KATNAL2: variants seen among roughly 807,000 people sequenced by gnomAD.
The protein encoded by KATNAL2 is katanin catalytic subunit A1 like 2.
In KATNAL2, 52 loss-of-function variants were observed where a neutral mutation model predicts 76.3. That is an observed-to-expected ratio of 0.68 (90% confidence interval 0.55 to 0.86). The LOEUF (loss-of-function observed/expected upper bound fraction) is 0.86. KATNAL2 is among the 40% of genes least tolerant of loss of function. The pLI is 0.00. For synonymous variants in KATNAL2, 243 were observed against 244.2 expected, an observed-to-expected ratio of 1.00 and a Z score of 0.05; for missense variants, 660 against 668.9, an observed-to-expected ratio of 0.99 and a Z score of 0.15.
intron 3 of KATNAL2, among the ~76,000 whole-genome samples, chr18:47,040,875 A>C (rs1599623680): frequency 6.6e-6 from 1 of 152,198 alleles, no homozygotes; most frequent in East Asian, 1.9e-4. Context: ...TTGTAAATGC[A>C]GCTTGGGGGA....
chr18:47,036,969 C>T (rs1264324710), intron 3 of KATNAL2, among the ~76,000 whole-genome samples: 1 of 152,158 alleles, frequency 6.6e-6, no homozygotes, highest in Non-Finnish European at 1.5e-5. Flanking sequence ...TTAGAACCTA[C>T]AGGTATATAT....
At chr18:47,052,715 TG>T (rs1370841627) in intron 4 of KATNAL2, among the ~76,000 whole-genome samples, 164 bp from the exon 5 acceptor site, 1 of 152,240 alleles carries the variant, frequency 6.6e-6, no homozygotes, top group African/African-American at 2.4e-5. Flanking sequence ...TTAACAAATA[TG>T]GGGCTCTTTA....
intron 1 of KATNAL2, among the ~76,000 whole-genome samples, chr18:46,924,750 C>T (rs886484962): frequency 6.6e-5 from 10 of 152,138 alleles, no homozygotes; most frequent in African/African-American, 2.2e-4. Context: ...TCTTGTATTT[C>T]GTTGAGCAGT....
In KATNAL2 at chr18:47,062,983, T is replaced by C. The variant is rs2061682756; in HGVS notation, c.561T>C (p.Ile187=). 1 of 1,613,852 alleles carries C rather than the reference T, an allele frequency of 6.2e-7. No homozygotes were observed. The highest frequency in any genetic ancestry group is 1.3e-5 in the African/African-American group (1 of 74,908). ...ENAHPRRGQI[I]DFQGLLTDAI... ...TTCCTCCCTTTCAGGGCCAAATCAT[T>C]GACTTCCAAGGGCTGCTCACAGATG... The change falls in exon 9 of 18, where the codon ATT becomes ATC. Residue 187 remains isoleucine, a synonymous_variant. Transcript: ENST00000683218.
chr18:47,057,111 C>G (rs1277414703), intron 6 of KATNAL2, among the ~76,000 whole-genome samples: 1 of 152,156 alleles, frequency 6.6e-6, no homozygotes, highest in African/African-American at 2.4e-5. Flanking sequence ...CATGTGTGGT[C>G]TTGCTGGCCA....
At chr18:46,922,610 G>A (rs376640917) in intron 1 of KATNAL2, among the ~76,000 whole-genome samples, 1 of 151,818 alleles carries the variant, frequency 6.6e-6, no homozygotes, top group Admixed American at 6.6e-5. Flanking sequence ...CCTGACCAAC[G>A]TGGTGAAACC....
At chr18:46,930,568 C>T (rs977459602) in intron 1 of KATNAL2, among the ~76,000 whole-genome samples, 1 of 152,200 alleles carries the variant, frequency 6.6e-6, no homozygotes, top group Non-Finnish European at 1.5e-5. Context: ...ATAATCCCAG[C>T]ACTATGGGAG....
intron 3 of KATNAL2, among the ~76,000 whole-genome samples, chr18:47,025,518 TGTG>T (rs2060285112): frequency 1.9e-5 from 2 of 104,476 alleles, no homozygotes; most frequent in Admixed American, 2.3e-4. Context: ...TGTGTGTGTG[TGTG>T]TGTGTGTGTG....
chr18:47,069,458 C>T, intron 12 of KATNAL2, 24 bp from the exon 13 acceptor site: 9 of 1,553,762 alleles, frequency 5.8e-6, no homozygotes, highest in South Asian at 1.1e-5. Flanking sequence ...AATGCCTGCT[C>T]ATCTTTTATG....
At chr18:46,954,898 C>G (rs1037519654) in intron 3 of KATNAL2, among the ~76,000 whole-genome samples, 1 of 152,172 alleles carries the variant, frequency 6.6e-6, no homozygotes, top group African/African-American at 2.4e-5. Context: ...AGTGATCCAC[C>G]TGCCTCGGCC....
rs568151123 is a variant in KATNAL2, at chr18:46,931,632, A to C, written c.-510+13706A>C. 5.3e-5 allele frequency among the ~76,000 whole-genome samples: 8 copies of C among 151,964 alleles called. No individual in the cohort carries two copies. In the East Asian group the frequency reaches 1.4e-3, roughly 26 times the overall value. ...CATACCATTGCACTCCGGCCTGGAC[A>C]ACAGAGCAAGACTGTCAGAAAGAAA... On this transcript the variant is annotated intron_variant, in intron 1 of 17. Transcript: ENST00000683218.
intron 4 of KATNAL2, among the ~76,000 whole-genome samples, chr18:47,047,921 G>T (rs1211455745): frequency 6.6e-6 from 1 of 152,066 alleles, no homozygotes; most frequent in East Asian, 1.9e-4. Flanking sequence ...TGCTCAGGCT[G>T]GTCTTGAACT....
chr18:46,930,316 T>C (rs190095548), intron 1 of KATNAL2, among the ~76,000 whole-genome samples: 1 of 152,340 alleles, frequency 6.6e-6, no homozygotes, highest in East Asian at 1.9e-4. Flanking sequence ...TTTTTACATA[T>C]CACTAATATA....
intron 3 of KATNAL2, among the ~76,000 whole-genome samples, chr18:47,025,095 TCTCCCC>T (rs1173836384): frequency 1.1e-5 from 1 of 94,814 alleles, no homozygotes; most frequent in Admixed American, 1.1e-4. Context: ...CCCTCTAGCA[TCTCCCC>T]CCCCCACCCC....
intron 14 of KATNAL2, chr18:47,076,327 C>T (rs1207446966): frequency 6.6e-6 from 1 of 152,196 alleles, no homozygotes; most frequent in Admixed American, 6.5e-5. Flanking sequence ...ACATTTTCCT[C>T]AGCTTAACTG....
In KATNAL2 at chr18:46,946,463, G is replaced by T; in HGVS notation, c.-103G>T. The T allele has an allele frequency of 1.0e-6, 1 of 985,444 alleles. No individual in the cohort carries two copies. Among genetic ancestry groups the T allele is most frequent in the Middle Eastern group, 5.2e-4 (1 of 1,914 alleles). 61.0% of individuals were successfully genotyped at this position (985,444 alleles called of 1,614,324 possible). A position where few individuals can be genotyped will look rare whatever the true frequency, so the allele number is the denominator to read the frequency against. On this transcript the variant is annotated 5_prime_UTR_variant, in exon 2 of 18. Coordinates refer to ENST00000683218, the MANE Select transcript of KATNAL2 (RefSeq NM_001387690.1). ...TACCCTAATCCAGGGAGGAGAAGAC[G>T]GGACGTCAAAATATAGTCTTGGGTA... is the stretch of plus-strand genomic sequence containing the variant.
chr18:46,923,536 C>A (rs2058637498), intron 1 of KATNAL2, among the ~76,000 whole-genome samples: 1 of 152,094 alleles, frequency 6.6e-6, no homozygotes. Context: ...AACATACATA[C>A]ATGTGCATGT....
chr18:47,061,061 C>G (rs1569097135), intron 8 of KATNAL2, among the ~76,000 whole-genome samples: 1 of 152,196 alleles, frequency 6.6e-6, no homozygotes, highest in Non-Finnish European at 1.5e-5. Flanking sequence ...CTCAAAGGCA[C>G]AATGTAGATG....
At chr18:46,938,193 A>G (rs966239466) in intron 1 of KATNAL2, among the ~76,000 whole-genome samples, 1 of 152,224 alleles carries the variant, frequency 6.6e-6, no homozygotes. Flanking sequence ...TGTTAAATGA[A>G]AAGGTCAAGT....
Sources: gnomAD v4.1 joint callset for allele counts (sites outside exome capture counted in the v4.1 genomes callset) on GRCh38, gnomAD v4.1.1 for gene constraint, MANE v1.5 for transcripts, NCBI Gene and HGNC (gene_info 2026-07-23, HGNC 2026-07-21) for gene names.